SLC27A2: variants seen among roughly 807,000 people sequenced by gnomAD.
SLC27A2 encodes long-chain fatty acid transport protein 2.
Under a neutral mutation model 60.0 loss-of-function variants are expected in SLC27A2, and 54 were observed. That is an observed-to-expected ratio of 0.90 (90% CI 0.72 to 1.13). The LOEUF is 1.13. Ranked by LOEUF, SLC27A2 falls within the 50% of genes most tolerant of loss-of-function variation. SLC27A2 has a pLI of 0.00. For synonymous variants in SLC27A2, 297 were observed against 297.6 expected, an observed-to-expected ratio of 1.00 and a Z score of 0.02; for missense variants, 739 against 777.6, an observed-to-expected ratio of 0.95 and a Z score of 0.59.
chr15:50,219,471 G>A (rs1481889642), intron 4 of SLC27A2, among the ~76,000 whole-genome samples: 1 of 151,118 alleles, frequency 6.6e-6, no homozygotes, highest in East Asian at 1.9e-4. Flanking sequence ...TTTATTGGTG[G>A]GCATGAGTAA....
chr15:50,182,563 T>C lies in SLC27A2; in HGVS notation c.136T>C (p.Tyr46His). 1 of 1,613,062 alleles carries C rather than the reference T, an allele frequency of 6.2e-7. No homozygotes were observed. The highest frequency in any genetic ancestry group is 8.5e-7 in the Non-Finnish European group (1 of 1,179,494). Residue 46 changes from tyrosine to histidine, a missense_variant, in exon 1 of 10, where the codon TAC becomes CAC. Transcript: ENST00000267842. The stretch of plus-strand genomic sequence containing the variant: ...CGCCGTGGGCCGGAGGGTGCGCAGC[T>C]ACGGGAAGCGGCGGCCGGCGCGCAC... ...VAAVGRRVRS[Y>H]GKRRPARTIL...
chr15:50,206,803 C>T (rs2045116803), intron 4 of SLC27A2, among the ~76,000 whole-genome samples: 1 of 152,168 alleles, frequency 6.6e-6, no homozygotes, highest in African/African-American at 2.4e-5. Flanking sequence ...CCTCTAAATC[C>T]TTGCCCCTGA....
intron 5 of SLC27A2, among the ~76,000 whole-genome samples, chr15:50,223,532 TG>T (rs1167845136): frequency 6.8e-6 from 1 of 147,716 alleles, no homozygotes; most frequent in Admixed American, 6.7e-5. Context: ...CACCATCACC[TG>T]GGGAGTTTTT....
chr15:50,204,616 C>T (rs558582072), intron 3 of SLC27A2, among the ~76,000 whole-genome samples: 10 of 151,806 alleles, frequency 6.6e-5, no homozygotes, highest in African/African-American at 2.4e-4. Context: ...GCCTGTAATC[C>T]CAGCTACTCA....
rs146298360 is a variant in SLC27A2, at chr15:50,183,970, T to G, written c.478+1065T>G. On this transcript the variant is annotated intron_variant, in intron 1 of 9. Transcript: ENST00000267842. ...AATTCCAACCTAGCTCTATCCAACT[T>G]CGAAGCCATGCTCTTTCCTACATCT... is the stretch of plus-strand genomic sequence containing the variant. Among the ~76,000 whole-genome samples, 83 of 144,794 alleles carry G rather than the reference T, an allele frequency of 5.7e-4. 1 individual carries two copies. The highest frequency in any genetic ancestry group is 1.9e-3 in the African/African-American group (75 of 40,348). The allele number at this position is 144,794 out of a possible 152,430, so 95.0% of individuals were successfully genotyped here. A position where few individuals can be genotyped will look rare whatever the true frequency, so the allele number is the denominator to read the frequency against.
chr15:50,226,186 A>C (rs2045277369), intron 6 of SLC27A2, 108 bp downstream of exon 6: 6 of 691,502 alleles, frequency 8.7e-6, no homozygotes, highest in African/African-American at 1.8e-5. Context: ...CAGAGTGGGG[A>C]AAAGGGGGGT....
chr15:50,188,982 A>ATAG (rs2044949466), intron 1 of SLC27A2, among the ~76,000 whole-genome samples: 17 of 135,528 alleles, frequency 1.3e-4, no homozygotes, highest in East Asian at 2.3e-4. Flanking sequence ...TAGATAGATA[A>ATAG]ATAGATAGAT....
intron 1 of SLC27A2, among the ~76,000 whole-genome samples, chr15:50,193,817 AT>A (rs1404836391): frequency 2.0e-5 from 3 of 152,148 alleles, no homozygotes; most frequent in African/African-American, 7.2e-5. Flanking sequence ...TGATTTGATT[AT>A]TATCTTAATT....
chr15:50,213,850 CA>C (rs543400300), intron 4 of SLC27A2, among the ~76,000 whole-genome samples: 3 of 151,932 alleles, frequency 2.0e-5, no homozygotes, highest in Non-Finnish European at 4.4e-5. Flanking sequence ...ACGCCTGTAA[CA>C]AAAACACTGA....
intron 6 of SLC27A2, among the ~76,000 whole-genome samples, 182 bp from the exon 7 acceptor site, chr15:50,226,798 G>A (rs375401359): frequency 1.3e-5 from 2 of 152,258 alleles, no homozygotes; most frequent in East Asian, 3.9e-4. Context: ...TGTGTGTGTG[G>A]TGTATGTATG....
At chr15:50,196,835 T>G in intron 1 of SLC27A2, among the ~76,000 whole-genome samples, 1 of 152,150 alleles carries the variant, frequency 6.6e-6, no homozygotes. Context: ...AGGAAATTAC[T>G]TGTTACTGAT....
intron 1 of SLC27A2, among the ~76,000 whole-genome samples, chr15:50,190,432 C>T (rs372019082): frequency 1.3e-5 from 2 of 152,082 alleles, no homozygotes. Context: ...GTCAGTTACT[C>T]ATTCACTGAG....
intron 1 of SLC27A2, among the ~76,000 whole-genome samples, chr15:50,185,737 C>T (rs912262220): frequency 1.4e-5 from 2 of 147,692 alleles, no homozygotes; most frequent in East Asian, 4.1e-4. Flanking sequence ...TCACGCCATT[C>T]TCCTGCCTCA....
intron 1 of SLC27A2, 49 bp from the exon 2 acceptor site, chr15:50,197,451 T>G (rs2045032172): frequency 1.4e-6 from 2 of 1,453,880 alleles, no homozygotes; most frequent in African/African-American, 1.4e-5. Flanking sequence ...CTAATAGAAC[T>G]TTAATAGACT....
At chr15:50,219,457 G>A (rs1411903908) in intron 4 of SLC27A2, among the ~76,000 whole-genome samples, 1 of 151,236 alleles carries the variant, frequency 6.6e-6, no homozygotes, top group Admixed American at 6.6e-5. Context: ...TGTGGGGGGT[G>A]GAATTTATTG....
chr15:50,213,825 T>C (rs539162868), intron 4 of SLC27A2, among the ~76,000 whole-genome samples: 4 of 151,996 alleles, frequency 2.6e-5, no homozygotes, highest in East Asian at 3.9e-4. Context: ...CTAAGAGGAA[T>C]CTTCATAGCC....
chr15:50,233,807 G>T (rs2045331133), intron 8 of SLC27A2, 61 bp from the exon 9 acceptor site: 1 of 1,448,910 alleles, frequency 6.9e-7, no homozygotes, highest in South Asian at 1.4e-5. Context: ...ACAGTTCTTT[G>T]AACTAATAAA....
intron 1 of SLC27A2, among the ~76,000 whole-genome samples, chr15:50,186,297 G>C (rs189715366): frequency 2.6e-5 from 4 of 152,144 alleles, no homozygotes; most frequent in African/African-American, 9.7e-5. Context: ...GATTCAGTAA[G>C]ACTATGTTGG....
chr15:50,182,947 C>A, intron 1 of SLC27A2, 42 bp downstream of exon 1: 2 of 1,551,064 alleles, frequency 1.3e-6, no homozygotes, highest in South Asian at 1.2e-5. Flanking sequence ...CAGGGCTTCT[C>A]GGCGCCTTGA....
Sources: allele counts gnomAD v4.1 joint callset (sites outside exome capture counted in the v4.1 genomes callset), GRCh38; gene constraint gnomAD v4.1.1; transcripts MANE v1.5; gene names NCBI Gene and HGNC (gene_info 2026-07-23, HGNC 2026-07-21).